Variants in VWA8 observed in about 807,000 individuals in gnomAD.
VWA8 encodes von Willebrand factor A domain containing 8, also known as von Willebrand factor A domain-containing protein 8.
A neutral mutation model predicts 241.5 loss-of-function variants in VWA8; 221 were observed. That is an observed-to-expected ratio of 0.91 (90% CI 0.82 to 1.02). The LOEUF (loss-of-function observed/expected upper bound fraction) is 1.02. VWA8 is among the 50% of genes least tolerant of loss of function. VWA8 has a pLI of 0.00. For synonymous variants in VWA8, 852 were observed against 827.1 expected (o/e 1.03, Z -0.52); for missense variants, 2,322 against 2,328.7 (o/e 1.00, Z 0.06).
intron 4 of VWA8, 127 bp from the exon 5 acceptor site, chr13:41,891,714 TC>T: frequency 1.9e-6 from 2 of 1,028,568 alleles, no homozygotes; most frequent in Non-Finnish European, 1.4e-6. Flanking sequence ...AAAGCTGAGT[TC>T]CAGATCTTGT....
At chr13:41,727,082 G>T in intron 24 of VWA8, 112 bp downstream of exon 24, 2 of 802,352 alleles carry the variant, frequency 2.5e-6, no homozygotes, top group Non-Finnish European at 3.8e-6. Context: ...CTCACAAGGT[G>T]ATTATGATGG....
intron 12 of VWA8, among the ~76,000 whole-genome samples, chr13:41,857,880 G>A (rs375932718): frequency 1.3e-5 from 2 of 152,186 alleles, no homozygotes; most frequent in African/African-American, 4.8e-5. Flanking sequence ...GGTAGATTGA[G>A]TAAAGCAGAT....
chr13:41,599,331 T>C (rs1197568488), intron 40 of VWA8, among the ~76,000 whole-genome samples: 1 of 152,132 alleles, frequency 6.6e-6, no homozygotes, highest in Admixed American at 6.6e-5. Context: ...TATTTCTGCT[T>C]GCTTCTTAGC....
At chr13:41,917,344 G>A (rs1304924682) in intron 2 of VWA8, among the ~76,000 whole-genome samples, 1 of 151,892 alleles carries the variant, frequency 6.6e-6, no homozygotes. Flanking sequence ...GACCTACTGT[G>A]ATTTTTCATC....
intron 37 of VWA8, among the ~76,000 whole-genome samples, chr13:41,640,965 G>A (rs887183385): frequency 4.0e-5 from 6 of 151,762 alleles, no homozygotes; most frequent in African/African-American, 1.5e-4. Context: ...AAGAGGATGA[G>A]ATAAAAAAAA....
chr13:41,957,913 A>G (rs994430832), intron 1 of VWA8, among the ~76,000 whole-genome samples: 2 of 152,200 alleles, frequency 1.3e-5, no homozygotes, highest in African/African-American at 4.8e-5. Flanking sequence ...CATTTGATCT[A>G]TAGTATATTT....
At chr13:41,774,456 A>C (rs1287410153) in intron 20 of VWA8, among the ~76,000 whole-genome samples, 2 of 152,222 alleles carry the variant, frequency 1.3e-5, no homozygotes, top group Non-Finnish European at 2.9e-5. Context: ...AATTTATTTC[A>C]GATAGTCCTT....
intron 12 of VWA8, among the ~76,000 whole-genome samples, chr13:41,844,994 A>G (rs1395962773): frequency 6.6e-6 from 1 of 152,178 alleles, no homozygotes; most frequent in African/African-American, 2.4e-5. Context: ...TACAGATTCA[A>G]TGCTATTCCT....
intron 26 of VWA8, among the ~76,000 whole-genome samples, chr13:41,709,037 T>C (rs1488958867): frequency 1.3e-5 from 2 of 152,220 alleles, no homozygotes; most frequent in African/African-American, 4.8e-5. Context: ...CCTTTTCTAA[T>C]CGTCCACGAC....
intron 39 of VWA8, among the ~76,000 whole-genome samples, chr13:41,607,051 C>A (rs118131612): frequency 6.6e-6 from 1 of 152,228 alleles, no homozygotes; most frequent in Non-Finnish European, 1.5e-5. Context: ...TACACAAATG[C>A]ATGTATGTAT....
intron 9 of VWA8, among the ~76,000 whole-genome samples, chr13:41,869,827 C>T (rs555016457): frequency 1.5e-4 from 23 of 151,990 alleles, no homozygotes; most frequent in Admixed American, 1.1e-3. Flanking sequence ...TTTATAACAG[C>T]ATGCTCAATA....
At chr13:41,769,602 ATTG>A (rs998849973) in intron 20 of VWA8, among the ~76,000 whole-genome samples, 11 of 152,182 alleles carry the variant, frequency 7.2e-5, no homozygotes, top group African/African-American at 1.7e-4. Context: ...TTATTATATT[ATTG>A]TTGTTGTTGT....
chr13:41,606,939 C>T (rs771570025), intron 39 of VWA8, among the ~76,000 whole-genome samples: 10 of 152,116 alleles, frequency 6.6e-5, no homozygotes, highest in Non-Finnish European at 1.0e-4. Context: ...CCATGAAACT[C>T]GCATACTTTA....
At chr13:41,713,713 A>G (rs1477063406) in intron 26 of VWA8, among the ~76,000 whole-genome samples, 3 of 152,198 alleles carry the variant, frequency 2.0e-5, no homozygotes, top group Admixed American at 1.3e-4. Flanking sequence ...ATAAAGACAC[A>G]AAGCACTGAT....
intron 37 of VWA8, among the ~76,000 whole-genome samples, chr13:41,635,086 T>C (rs952412426): frequency 3.9e-5 from 6 of 152,202 alleles, no homozygotes; most frequent in Non-Finnish European, 7.3e-5. Flanking sequence ...GAAATGCAAT[T>C]CAAGTACACT....
intron 18 of VWA8, among the ~76,000 whole-genome samples, chr13:41,785,199 G>A (rs916970403): frequency 6.6e-6 from 1 of 151,976 alleles, no homozygotes; most frequent in Non-Finnish European, 1.5e-5. Flanking sequence ...CCAAGCTAAA[G>A]CTTCACCTCA....
chr13:41,626,792 A>C (rs1178515476), intron 37 of VWA8, among the ~76,000 whole-genome samples: 8 of 152,174 alleles, frequency 5.3e-5, no homozygotes, highest in Non-Finnish European at 7.4e-5. Context: ...AGGCTTAAAC[A>C]TAAAACCTAA....
At chr13:41,660,687 T>C (rs1396263809) in intron 37 of VWA8, among the ~76,000 whole-genome samples, 1 of 152,192 alleles carries the variant, frequency 6.6e-6, no homozygotes, top group Admixed American at 6.5e-5. Flanking sequence ...ATCACGCTGC[T>C]GCAACTGTGC....
intron 3 of VWA8, among the ~76,000 whole-genome samples, chr13:41,911,062 CTTTTTTT>C (rs5803108): frequency 2.0e-5 from 2 of 97,980 alleles, no homozygotes; most frequent in East Asian, 6.9e-4. Flanking sequence ...CATTTTCTTT[CTTTTTTT>C]TTTTTTTTTT....
Sources: allele counts gnomAD v4.1 joint callset (sites outside exome capture counted in the v4.1 genomes callset), GRCh38; gene constraint gnomAD v4.1.1; transcripts MANE v1.5; gene names NCBI Gene and HGNC (gene_info 2026-07-23, HGNC 2026-07-21).